The following SUCLG2 variants were observed in gnomAD, a reference collection of about 807,000 sequenced individuals.
The protein encoded by SUCLG2 is succinate-CoA ligase GDP-forming subunit beta, also known as succinate--CoA ligase [GDP-forming] subunit beta, mitochondrial.
SUCLG2 carries 42 observed loss-of-function variants against 47.9 expected under a neutral mutation model. The observed-to-expected ratio is 0.88, with a 90% CI of 0.69 to 1.14. The LOEUF (loss-of-function observed/expected upper bound fraction) is 1.14, where lower values mean the gene tolerates loss of function less well. SUCLG2 is among the 50% of genes most tolerant of loss of function. The pLI is 0.00. For synonymous variants in SUCLG2, 195 were observed against 197.3 expected (o/e 0.99, Z 0.10); for missense variants, 571 against 525.9 (o/e 1.09, Z -0.84).
At chr3:67,587,314 C>G (rs1440455795) in intron 2 of SUCLG2, among the ~76,000 whole-genome samples, 1 of 151,980 alleles carries the variant, frequency 6.6e-6, no homozygotes, top group Non-Finnish European at 1.5e-5. Flanking sequence ...TCTGATCTAC[C>G]TGGAGACAAA....
intron 2 of SUCLG2, among the ~76,000 whole-genome samples, chr3:67,589,588 T>A (rs1489969628): frequency 1.3e-5 from 2 of 152,346 alleles, no homozygotes; most frequent in East Asian, 3.9e-4. Flanking sequence ...AGAGCCTATA[T>A]ATCCCCTGCC....
chr3:67,409,859 A>G (rs1246444903), intron 9 of SUCLG2, among the ~76,000 whole-genome samples: 2 of 152,188 alleles, frequency 1.3e-5, no homozygotes, highest in Admixed American at 6.5e-5. Flanking sequence ...CAGGTTAAAA[A>G]CTAATGTGAA....
chr3:67,554,137 T>C (rs1418036548), intron 2 of SUCLG2, among the ~76,000 whole-genome samples: 1 of 152,194 alleles, frequency 6.6e-6, no homozygotes, highest in Non-Finnish European at 1.5e-5. Flanking sequence ...GAGCTATCTT[T>C]ACCAGTTGCC....
At chr3:67,620,584 C>CAAAGAAA (rs1253895947) in intron 1 of SUCLG2, among the ~76,000 whole-genome samples, 1 of 63,518 alleles carries the variant, frequency 1.6e-5, no homozygotes, top group Non-Finnish European at 2.9e-5. Flanking sequence ...GACTCCATCT[C>CAAAGAAA]AAAAAAAAAA....
At chr3:67,506,241 T>C (rs967221076) in intron 7 of SUCLG2, among the ~76,000 whole-genome samples, 7 of 152,194 alleles carry the variant, frequency 4.6e-5, no homozygotes, top group Non-Finnish European at 1.0e-4. Context: ...ACTGTGATAA[T>C]GATGAAGATC....
chr3:67,535,921 GAC>G (rs1706529070), intron 2 of SUCLG2, among the ~76,000 whole-genome samples: 1 of 152,206 alleles, frequency 6.6e-6, no homozygotes, highest in South Asian at 2.1e-4. Context: ...TAAACAAGGT[GAC>G]ACAGTACAAG....
intron 9 of SUCLG2, among the ~76,000 whole-genome samples, chr3:67,454,397 C>G (rs1397501407): frequency 2.1e-5 from 1 of 48,750 alleles, no homozygotes; most frequent in Non-Finnish European, 3.7e-5. Context: ...AGAAAAACAT[C>G]AAATATATAA....
chr3:67,631,016 C>T (rs976945119), intron 1 of SUCLG2, among the ~76,000 whole-genome samples: 7 of 152,154 alleles, frequency 4.6e-5, no homozygotes, highest in Admixed American at 2.0e-4. Flanking sequence ...TGAAGAAGAC[C>T]AATGTCCTAT....
At chr3:67,376,567 C>T (rs1702038555) in intron 10 of SUCLG2, 1 of 921,024 alleles carries the variant, frequency 1.1e-6, no homozygotes, top group Non-Finnish European at 1.3e-6. Context: ...ACATCATTTC[C>T]TGTGCTTTTA....
chr3:67,387,250 GA>G (rs1324861270), intron 10 of SUCLG2, among the ~76,000 whole-genome samples: 9 of 151,912 alleles, frequency 5.9e-5, no homozygotes, highest in South Asian at 2.1e-4. Flanking sequence ...AAGCTACAAT[GA>G]AAAAAAATTG....
intron 2 of SUCLG2, among the ~76,000 whole-genome samples, chr3:67,589,737 G>A (rs759128412): frequency 2.0e-5 from 3 of 152,202 alleles, no homozygotes; most frequent in Admixed American, 6.5e-5. Context: ...GAGGTGGATG[G>A]ACCTGAACAC....
chr3:67,477,087 G>C (rs1278470022), intron 9 of SUCLG2, among the ~76,000 whole-genome samples: 1 of 151,964 alleles, frequency 6.6e-6, no homozygotes, highest in South Asian at 2.1e-4. Flanking sequence ...ATCTGTACCT[G>C]CCTCCCATAT....
At chr3:67,396,349 G>T (rs536963234) in intron 10 of SUCLG2, among the ~76,000 whole-genome samples, 3 of 151,972 alleles carry the variant, frequency 2.0e-5, no homozygotes, top group African/African-American at 7.3e-5. Flanking sequence ...TATCACCACC[G>T]ATCCCACAGA....
intron 2 of SUCLG2, among the ~76,000 whole-genome samples, chr3:67,577,286 T>G (rs1707766768): frequency 6.7e-6 from 1 of 148,670 alleles, no homozygotes; most frequent in South Asian, 2.2e-4. Context: ...TCAGCCTTGG[T>G]GACAGAGACA....
intron 10 of SUCLG2, among the ~76,000 whole-genome samples, chr3:67,379,760 G>A (rs375954879): frequency 4.5e-4 from 68 of 152,252 alleles, no homozygotes; most frequent in African/African-American, 1.6e-3. Flanking sequence ...CATTCACAAG[G>A]CATCTGTTAA....
rs141711913 is a variant in SUCLG2 at position 67,584,852 on chromosome 3, C to T, written c.226+24603G>A. ...CCTTATAAAACCATCAGATCTCATG[C>T]GAACTCACTCACTATCACAAGAACA... On this transcript the variant is annotated intron_variant, in intron 2 of 10. Coordinates refer to ENST00000307227, the MANE Select transcript of SUCLG2 (RefSeq NM_003848.4). 9.8e-3 allele frequency among the ~76,000 whole-genome samples: 1,493 copies of T among 152,182 alleles called. 23 individuals are homozygous for T. The highest frequency in any genetic ancestry group is 0.034 in the African/African-American group (1,427 of 41,494).
intron 1 of SUCLG2, among the ~76,000 whole-genome samples, chr3:67,642,891 T>C (rs1350969403): frequency 6.6e-6 from 1 of 151,526 alleles, no homozygotes; most frequent in African/African-American, 2.4e-5. Flanking sequence ...ATAGCCATTG[T>C]ACAGGCAAGT....
rs528765997 is a variant in SUCLG2, at chr3:67,569,629, C to T, written c.226+39826G>A. On this transcript the variant is annotated intron_variant, in intron 2 of 10. Transcript: ENST00000307227. ...GATTCCTTTCTTCCTTCTAATTTGT[C>T]CCTTTAGGACTAGAATGTTTATTGT... Among the ~76,000 whole-genome samples the T allele has an allele frequency of 2.4e-4, 36 of 152,306 alleles. No individual in the cohort carries two copies. The South Asian group carries it at 7.3e-3, about 31-fold the overall frequency.
intron 10 of SUCLG2, among the ~76,000 whole-genome samples, chr3:67,362,633 A>G (rs1338956266): frequency 6.6e-6 from 1 of 152,182 alleles, no homozygotes; most frequent in Non-Finnish European, 1.5e-5. Flanking sequence ...CAGATAATAT[A>G]GTGTATTAGG....
Sources: allele counts gnomAD v4.1 joint callset (sites outside exome capture counted in the v4.1 genomes callset), GRCh38; gene constraint gnomAD v4.1.1; transcripts MANE v1.5; gene names NCBI Gene and HGNC (gene_info 2026-07-23, HGNC 2026-07-21).